USH2A: variants seen among roughly 807,000 people sequenced by gnomAD.
USH2A encodes usherin.
A neutral mutation model predicts 538.9 loss-of-function variants in USH2A; 443 were observed. The ratio of observed to expected loss-of-function variants is 0.82; its 90% CI spans 0.76 to 0.89. The LOEUF (loss-of-function observed/expected upper bound fraction) is 0.89, where lower values mean the gene tolerates loss of function less well. Ranked by LOEUF, USH2A falls within the 40% of genes least tolerant of loss-of-function variation. USH2A has a pLI of 0.00. For synonymous variants in USH2A, 2,413 were observed against 2,273.5 expected (o/e 1.06, Z -1.75); for missense variants, 6,633 against 6,324.8 (o/e 1.05, Z -1.65).
chr1:215,997,580 A>G (rs1462953651), intron 34 of USH2A, among the ~76,000 whole-genome samples: 1 of 152,082 alleles, frequency 6.6e-6, no homozygotes, highest in Non-Finnish European at 1.5e-5. Context: ...ATAGATTTAT[A>G]AAATCTAGGA....
rs987171246 is a variant in USH2A, at chr1:216,391,087, C to G, written c.652-26002G>C. On this transcript the variant is annotated intron_variant, in intron 3 of 71. Transcript: ENST00000307340. ...TCTAAGCTCACTGTCAAGAATACGC[C>G]CAAGCCTCTAACCACAGAGTTCAGC... Among the ~76,000 whole-genome samples, 6 of 152,218 alleles carry G rather than the reference C, an allele frequency of 3.9e-5. No homozygotes were observed. The East Asian group carries it at 9.7e-4, about 25-fold the overall frequency.
At chr1:215,985,587 C>G (rs906445120) in intron 35 of USH2A, among the ~76,000 whole-genome samples, 1 of 152,048 alleles carries the variant, frequency 6.6e-6, no homozygotes, top group African/African-American at 2.4e-5. Flanking sequence ...AAGTGCCTGG[C>G]AAATTCTTAT....
In USH2A at chr1:216,340,091, G is replaced by A. The variant is rs1046263619; in HGVS notation, c.785-12437C>T. Among the ~76,000 whole-genome samples, 43 of 151,380 alleles carry A rather than the reference G, an allele frequency of 2.8e-4. 1 individual carries two copies. The highest frequency in any genetic ancestry group is 9.4e-4 in the African/African-American group (39 of 41,290). On this transcript the variant is annotated intron_variant, in intron 4 of 71. Transcript: ENST00000307340. ...AACAAACAAACAAACAAAATAGACT[G>A]CTAGCTAGACTAATAAAGAAGAAAA...
intron 61 of USH2A, among the ~76,000 whole-genome samples, chr1:215,682,499 T>C (rs1217105113): frequency 5.3e-5 from 8 of 152,046 alleles, no homozygotes. Flanking sequence ...TCCAACACAC[T>C]CCAGGCAACC....
intron 58 of USH2A, among the ~76,000 whole-genome samples, chr1:215,753,069 A>G (rs1401392479): frequency 6.6e-6 from 1 of 152,346 alleles, no homozygotes; most frequent in Middle Eastern, 3.4e-3. Context: ...AATGCTCACC[A>G]TCACTGGCCA....
At position 215,837,473 on chromosome 1, in the gene USH2A, C is replaced by T. The variant is rs544809438; in HGVS notation, c.9371+518G>A. ...ACTAATTATGAATTATAAAGAGACT[C>T]GCTTTCAAACTATGGTCATTTCTCA... On this transcript the variant is annotated intron_variant, in intron 47 of 71. Transcript: ENST00000307340. Among the ~76,000 whole-genome samples, 12 of 152,076 alleles carry T rather than the reference C, an allele frequency of 7.9e-5. No individual in the cohort carries two copies. The South Asian group carries it at 1.0e-3, about 13-fold the overall frequency.
At chr1:215,695,604 G>T (rs1658780964) in intron 61 of USH2A, among the ~76,000 whole-genome samples, 2 of 152,162 alleles carry the variant, frequency 1.3e-5, no homozygotes, top group South Asian at 4.1e-4. Flanking sequence ...CATTTTGATT[G>T]GTTTTGTAAG....
At chr1:216,405,258 AAC>A (rs2102765759) in intron 3 of USH2A, among the ~76,000 whole-genome samples, 1 of 152,322 alleles carries the variant, frequency 6.6e-6, no homozygotes, top group South Asian at 2.1e-4. Context: ...TGACATGGAA[AAC>A]ACAATACATA....
intron 50 of USH2A, among the ~76,000 whole-genome samples, chr1:215,793,675 C>T (rs1558100823): frequency 6.6e-6 from 1 of 152,152 alleles, no homozygotes; most frequent in Non-Finnish European, 1.5e-5. Context: ...GCAAAATTCC[C>T]AAATTCCCAT....
intron 9 of USH2A, among the ~76,000 whole-genome samples, chr1:216,292,783 A>C (rs183236747): frequency 1.3e-5 from 2 of 152,274 alleles, no homozygotes; most frequent in Admixed American, 1.3e-4. Context: ...AATCAACAGG[A>C]AAGGTTATGA....
At chr1:215,658,727 T>G (rs953476207) in intron 64 of USH2A, among the ~76,000 whole-genome samples, 1 of 152,248 alleles carries the variant, frequency 6.6e-6, no homozygotes, top group African/African-American at 2.4e-5. Flanking sequence ...GTGCCACTTA[T>G]CATGCTTTCA....
intron 8 of USH2A, among the ~76,000 whole-genome samples, chr1:216,322,702 G>A (rs776670578): frequency 2.7e-5 from 4 of 150,292 alleles, no homozygotes; most frequent in Non-Finnish European, 4.4e-5. Flanking sequence ...TTTTTCCAAA[G>A]TTAGATGATG....
intron 50 of USH2A, among the ~76,000 whole-genome samples, chr1:215,794,916 A>C (rs1337217873): frequency 6.6e-6 from 1 of 152,210 alleles, no homozygotes; most frequent in Non-Finnish European, 1.5e-5. Flanking sequence ...AGGGTTTGTA[A>C]CTTCCAAAAG....
chr1:215,721,607 A>G (rs1659661159), intron 61 of USH2A, among the ~76,000 whole-genome samples: 1 of 152,116 alleles, frequency 6.6e-6, no homozygotes, highest in African/African-American at 2.4e-5. Flanking sequence ...CATCCCCAAT[A>G]ATGTTGAGCA....
chr1:216,163,974 ATTTC>A (rs1406617938), intron 21 of USH2A, among the ~76,000 whole-genome samples: 1 of 152,014 alleles, frequency 6.6e-6, no homozygotes, highest in African/African-American at 2.4e-5. Flanking sequence ...TCCAGCTTCT[ATTTC>A]TTTTCTCAGC....
At chr1:215,685,081 G>A (rs546631237) in intron 61 of USH2A, among the ~76,000 whole-genome samples, 1 of 152,022 alleles carries the variant, frequency 6.6e-6, no homozygotes, top group Admixed American at 6.6e-5. Flanking sequence ...GAAGCAGTTC[G>A]AGCTCCCATT....
At chr1:215,868,967 C>A (rs1473451087) in intron 43 of USH2A, among the ~76,000 whole-genome samples, 3 of 152,184 alleles carry the variant, frequency 2.0e-5, no homozygotes, top group Non-Finnish European at 4.4e-5. Flanking sequence ...TCAAGCCACC[C>A]AGTATGTGAT....
At chr1:215,682,369 G>T (rs888947137) in intron 61 of USH2A, among the ~76,000 whole-genome samples, 1 of 152,036 alleles carries the variant, frequency 6.6e-6, no homozygotes, top group Non-Finnish European at 1.5e-5. Context: ...GTCAATAGCT[G>T]CACCTGCTCA....
At chr1:216,170,608 A>G (rs2034258227) in intron 21 of USH2A, among the ~76,000 whole-genome samples, 1 of 152,096 alleles carries the variant, frequency 6.6e-6, no homozygotes, top group Non-Finnish European at 1.5e-5. Context: ...GGATACTACA[A>G]TAGTCAAACC....
Sources: allele counts gnomAD v4.1 joint callset (sites outside exome capture counted in the v4.1 genomes callset), GRCh38; gene constraint gnomAD v4.1.1; transcripts MANE v1.5; gene names NCBI Gene and HGNC (gene_info 2026-07-23, HGNC 2026-07-21).